Variants in CTNNA3 observed in about 807,000 individuals in gnomAD.
CTNNA3 encodes the protein catenin alpha 3, also known as catenin alpha-3.
CTNNA3 carries 76 observed loss-of-function variants against 95.7 expected under a neutral mutation model. That is an observed-to-expected ratio of 0.79 (90% CI 0.66 to 0.96). The LOEUF is 0.96. Among genes scored for constraint, CTNNA3 ranks in the 40% least tolerant of loss-of-function variants. The pLI is 0.00. For synonymous variants in CTNNA3, 431 were observed against 374.4 expected (o/e 1.15, Z -1.74); for missense variants, 1,191 against 1,089.8 (o/e 1.09, Z -1.31).
chr10:66,084,534 A>G (rs1038513559), intron 14 of CTNNA3, among the ~76,000 whole-genome samples: 9 of 152,226 alleles, frequency 5.9e-5, no homozygotes, highest in Admixed American at 5.2e-4. Flanking sequence ...CAGTACCTAA[A>G]ATAGATGTTT....
chr10:66,697,273 T>C (rs1275962101), intron 9 of CTNNA3, among the ~76,000 whole-genome samples: 2 of 150,056 alleles, frequency 1.3e-5, no homozygotes, highest in Admixed American at 6.7e-5. Flanking sequence ...TATAGATATA[T>C]AGATATCTAT....
intron 9 of CTNNA3, among the ~76,000 whole-genome samples, chr10:66,682,237 G>A (rs1286522856): frequency 1.3e-5 from 2 of 152,108 alleles, no homozygotes; most frequent in South Asian, 4.2e-4. Context: ...TGTTGGGAGA[G>A]CTTTGGAATG....
chr10:67,247,264 C>A (rs1224865886), intron 5 of CTNNA3, among the ~76,000 whole-genome samples: 1 of 152,174 alleles, frequency 6.6e-6, no homozygotes, highest in East Asian at 1.9e-4. Context: ...AAGGAGTACA[C>A]TCCCCGCTGA....
intron 12 of CTNNA3, among the ~76,000 whole-genome samples, chr10:66,300,301 C>G (rs970686128): frequency 6.6e-6 from 1 of 152,212 alleles, no homozygotes; most frequent in African/African-American, 2.4e-5. Context: ...AGTACACTTG[C>G]AAGGCATGAA....
chr10:66,631,181 G>A (rs911446402), intron 9 of CTNNA3, among the ~76,000 whole-genome samples: 1 of 152,134 alleles, frequency 6.6e-6, no homozygotes, highest in African/African-American at 2.4e-5. Context: ...TCTGATATTA[G>A]TTTTGCTTTA....
intron 12 of CTNNA3, among the ~76,000 whole-genome samples, chr10:66,306,262 C>G (rs1357311824): frequency 6.6e-6 from 1 of 152,184 alleles, no homozygotes; most frequent in African/African-American, 2.4e-5. Flanking sequence ...TTCAGCAAAT[C>G]ACATAACTTC....
At chr10:66,577,657 G>A (rs1330984401) in intron 10 of CTNNA3, among the ~76,000 whole-genome samples, 1 of 151,826 alleles carries the variant, frequency 6.6e-6, no homozygotes, top group African/African-American at 2.4e-5. Context: ...TTTATCTCAG[G>A]GTTCTCTAAC....
intron 12 of CTNNA3, among the ~76,000 whole-genome samples, chr10:66,349,986 T>G (rs1383986742): frequency 6.6e-6 from 1 of 152,076 alleles, no homozygotes; most frequent in Non-Finnish European, 1.5e-5. Context: ...CCATTACTAA[T>G]ACTCTTCAAC....
At chr10:66,343,541 G>C (rs575797855) in intron 12 of CTNNA3, among the ~76,000 whole-genome samples, 1 of 151,984 alleles carries the variant, frequency 6.6e-6, no homozygotes, top group Non-Finnish European at 1.5e-5. Context: ...TGATCTCATA[G>C]AAGTAAAAGA....
At chr10:66,320,455 C>A (rs917653352) in intron 12 of CTNNA3, among the ~76,000 whole-genome samples, 6 of 152,100 alleles carry the variant, frequency 3.9e-5, no homozygotes, top group Non-Finnish European at 8.8e-5. Flanking sequence ...TGCCATTCAG[C>A]CAATGTAAAC....
intron 7 of CTNNA3, among the ~76,000 whole-genome samples, chr10:66,881,517 T>A (rs780224003): frequency 2.0e-5 from 3 of 152,090 alleles, no homozygotes; most frequent in Non-Finnish European, 4.4e-5. Flanking sequence ...ATAACATGAT[T>A]CTACTAGAAG....
Position 67,232,602 on chromosome 10 carries a change from C to A in CTNNA3, c.580-12732G>T, listed in dbSNP as rs1438381663. ...CGAGACTAGGAAAAAACTGCATCAA[C>A]TAACGAGCAAAATAACCAGCTAACA... On this transcript the variant is annotated intron_variant, in intron 5 of 17. Transcript: ENST00000433211. Among the ~76,000 whole-genome samples the A allele has an allele frequency of 2.6e-5, 4 of 151,694 alleles. No homozygotes were observed. In the East Asian group the frequency reaches 7.7e-4, roughly 29 times the overall value.
intron 10 of CTNNA3, among the ~76,000 whole-genome samples, chr10:66,555,773 A>G (rs754777717): frequency 9.9e-5 from 15 of 152,192 alleles, no homozygotes; most frequent in Non-Finnish European, 1.9e-4. Context: ...CAAATATACC[A>G]AAAATTACAT....
chr10:66,697,423 A>T (rs1473893966), intron 9 of CTNNA3, among the ~76,000 whole-genome samples: 1 of 151,502 alleles, frequency 6.6e-6, no homozygotes, highest in Non-Finnish European at 1.5e-5. Flanking sequence ...TTTGGGAAAA[A>T]AATTTATATA....
intron 5 of CTNNA3, among the ~76,000 whole-genome samples, chr10:67,387,437 C>G (rs1021518442): frequency 3.3e-5 from 5 of 152,124 alleles, no homozygotes; most frequent in African/African-American, 1.2e-4. Context: ...TGATTGCTAG[C>G]ACGGCAGTCT....
intron 7 of CTNNA3, among the ~76,000 whole-genome samples, chr10:66,962,345 T>C (rs1037810810): frequency 2.0e-5 from 3 of 152,100 alleles, no homozygotes; most frequent in African/African-American, 7.2e-5. Context: ...CTGCCTATAA[T>C]ACTCTTGCCC....
chr10:66,272,972 C>A (rs1347902077), intron 13 of CTNNA3, among the ~76,000 whole-genome samples: 1 of 152,170 alleles, frequency 6.6e-6, no homozygotes. Context: ...TTATCATACC[C>A]TGTGGCTGTG....
chr10:66,014,397 A>C (rs950619249), intron 15 of CTNNA3, among the ~76,000 whole-genome samples: 1 of 152,188 alleles, frequency 6.6e-6, no homozygotes, highest in African/African-American at 2.4e-5. Flanking sequence ...GTACAAAGGC[A>C]TTACATAAAT....
chr10:66,448,349 A>G (rs527963764), intron 11 of CTNNA3, among the ~76,000 whole-genome samples: 1 of 152,206 alleles, frequency 6.6e-6, no homozygotes, highest in Non-Finnish European at 1.5e-5. Context: ...AGGATTATAA[A>G]TCATGCTGCT....
Sources: allele counts gnomAD v4.1 joint callset (sites outside exome capture counted in the v4.1 genomes callset), GRCh38; gene constraint gnomAD v4.1.1; transcripts MANE v1.5; gene names NCBI Gene and HGNC (gene_info 2026-07-23, HGNC 2026-07-21).